Variants in CCPG1 observed in about 807,000 individuals in gnomAD.
The protein encoded by CCPG1 is cell cycle progression protein 1.
A neutral mutation model predicts 81.3 loss-of-function variants in CCPG1; 46 were observed. The observed-to-expected ratio is 0.57, with a 90% CI of 0.45 to 0.72. The LOEUF (loss-of-function observed/expected upper bound fraction) is 0.72. Ranked by LOEUF, CCPG1 falls within the 30% of genes least tolerant of loss-of-function variation. The pLI, the probability that CCPG1 is intolerant of heterozygous loss-of-function variation, is 0.00. For synonymous variants in CCPG1, 330 were observed against 305.2 expected (o/e 1.08, Z -0.85); for missense variants, 902 against 937.6 (o/e 0.96, Z 0.50).
At chr15:55,359,119 A>G (rs2056139608) in intron 8 of CCPG1, 1 of 983,166 alleles carries the variant, frequency 1.0e-6, no homozygotes, top group Non-Finnish European at 1.2e-6. Context: ...ATTATTATAT[A>G]TGAGCTCTTC....
chr15:55,378,959 A>G (rs1441698254), intron 3 of CCPG1, among the ~76,000 whole-genome samples: 4 of 151,850 alleles, frequency 2.6e-5, no homozygotes, highest in African/African-American at 9.7e-5. Flanking sequence ...ACCTTACATT[A>G]CCAAATTACT....
chr15:55,378,016 A>C (rs1465970839), intron 4 of CCPG1, among the ~76,000 whole-genome samples: 2 of 152,230 alleles, frequency 1.3e-5, no homozygotes, highest in Non-Finnish European at 2.9e-5. Flanking sequence ...AAATTTTAAA[A>C]TGAACCACCA....
intron 1 of CCPG1, among the ~76,000 whole-genome samples, chr15:55,406,456 T>G (rs1225007763): frequency 6.9e-6 from 1 of 145,900 alleles, no homozygotes; most frequent in Non-Finnish European, 1.5e-5. Context: ...TTTTGTTTTT[T>G]TTTTTTTGTT....
In CCPG1 at chr15:55,377,149, G is replaced by A. The variant is rs757237717; in HGVS notation, c.254C>T (p.Ala85Val). Reference sequence around the variant, plus strand: ...GTCTTCGGGTATCTTTTGTTCCTCTGCCTGAAGAATCATAATTTTAGAGAT... The same window carrying A: ...GTCTTCGGGTATCTTTTGTTCCTCTACCTGAAGAATCATAATTTTAGAGAT... ...ALEETSSTIEAEEQKIPEDSI... is the reference protein window; with the variant it reads ...ALEETSSTIEVEEQKIPEDSI... The change falls in exon 5 of 9, where the codon GCA becomes GTA. Residue 85 changes from alanine (A) to valine (V), a missense_variant and splice_region_variant. Physicochemically the swap from Ala to Val is moderately conservative, Grantham distance 64. Coordinates refer to ENST00000442196, the MANE Select transcript of CCPG1 (RefSeq NM_001204450.2). 3 of 1,605,416 alleles carry A rather than the reference G, an allele frequency of 1.9e-6. No homozygotes were observed. Among genetic ancestry groups the A allele is most frequent in the Admixed American group, 3.4e-5 (2 of 59,608 alleles).
At chr15:55,380,251 AT>A (rs59284001) in intron 3 of CCPG1, among the ~76,000 whole-genome samples, 28,214 of 149,732 alleles carry the variant, frequency 0.19, 4,740 homozygotes, top group African/African-American at 0.45. Flanking sequence ...TTTGCTTACT[AT>A]TTTTTTTTCC....
At chr15:55,406,536 C>T (rs2057228417) in intron 1 of CCPG1, among the ~76,000 whole-genome samples, 2 of 149,714 alleles carry the variant, frequency 1.3e-5, no homozygotes, top group African/African-American at 4.9e-5. Context: ...TCACTGCAAC[C>T]TCCGCCTCCC....
chr15:55,374,812 G>T (rs2056528529), intron 5 of CCPG1, among the ~76,000 whole-genome samples: 1 of 152,056 alleles, frequency 6.6e-6, no homozygotes, highest in East Asian at 1.9e-4. Context: ...AAGTAGCTGG[G>T]ATTACAGGCA....
chr15:55,376,807 T>C, intron 5 of CCPG1, 142 bp downstream of exon 5: 4 of 634,134 alleles, frequency 6.3e-6, no homozygotes, highest in Non-Finnish European at 1.1e-5. Flanking sequence ...TATTAATAGA[T>C]TTCACACACA....
chr15:55,389,671 T>C (rs1362507914), intron 1 of CCPG1, among the ~76,000 whole-genome samples: 1 of 152,116 alleles, frequency 6.6e-6, no homozygotes, highest in Non-Finnish European at 1.5e-5. Flanking sequence ...ACAGTTATAT[T>C]GTTGGAATGA....
In CCPG1 at chr15:55,355,304, A is replaced by G; in HGVS notation, c.*916T>C. 1 of 1,608,326 alleles carries G rather than the reference A, an allele frequency of 6.2e-7. No homozygotes were observed. Among genetic ancestry groups the G allele is most frequent in the East Asian group, 2.2e-5 (1 of 44,824 alleles). On this transcript the variant is annotated 3_prime_UTR_variant, in exon 9 of 9. Coordinates refer to ENST00000442196, the MANE Select transcript of CCPG1 (RefSeq NM_001204450.2). ...CTTCTAGGAAATAAGCGCTTTCCTA[A>G]TTTCAAGCAATTATAAAAGAACTGC...
rs577502265 is a variant in CCPG1, at chr15:55,369,273, C to T, written c.706+2520G>A. Among the ~76,000 whole-genome samples the T allele has an allele frequency of 1.5e-3, 235 of 152,048 alleles. No homozygotes were observed. In the Middle Eastern group the frequency reaches 0.041, roughly 27 times the overall value. On this transcript the variant is annotated intron_variant, in intron 6 of 8. Coordinates refer to ENST00000442196, the MANE Select transcript of CCPG1 (RefSeq NM_001204450.2). ...ATGTCTTGCCAGGTGCGGTGGCTCA[C>T]GCCTGTAATCCCAGCACTTTGGGAG...
At chr15:55,392,260 G>A (rs1198552795) in intron 1 of CCPG1, among the ~76,000 whole-genome samples, 1 of 143,256 alleles carries the variant, frequency 7.0e-6, no homozygotes, top group Non-Finnish European at 1.5e-5. Context: ...TCACCAGGCT[G>A]GAGTGCAGTG....
chr15:55,356,905 T>C, intron 8 of CCPG1: 1 of 985,732 alleles, frequency 1.0e-6, no homozygotes, highest in Non-Finnish European at 1.2e-6. Context: ...TGTCATCCCC[T>C]GGCCGCCCAG....
chr15:55,362,332 A>G (rs562832923), intron 7 of CCPG1, among the ~76,000 whole-genome samples: 32 of 151,200 alleles, frequency 2.1e-4, no homozygotes, highest in African/African-American at 6.5e-4. Flanking sequence ...AATAAGAAAA[A>G]AAAAAAAGGA....
chr15:55,356,404 G>A lies in CCPG1; in HGVS notation c.2240C>T (p.Pro747Leu), dbSNP rs2056077419. ...TFSPPYGPSR[P>L]DKKQRMVNIE... is the part of the protein sequence containing the mutation. ...ATTTACCATACGTTGCTTTTTATCAGGTCGACTGAAAGCAGTAAACACATT... is the reference window on the plus strand; with the variant it reads ...ATTTACCATACGTTGCTTTTTATCAAGTCGACTGAAAGCAGTAAACACATT... Residue 747 changes from proline to leucine, a missense_variant, in exon 9 of 9, where the codon CCT becomes CTT. This residue lies in a region of CCPG1 where 128 missense variants were observed against 161.2 expected (regional missense o/e 0.79). Coordinates refer to ENST00000442196, the MANE Select transcript of CCPG1 (RefSeq NM_001204450.2). 1 of 1,524,788 alleles carries A rather than the reference G, an allele frequency of 6.6e-7. No homozygotes were observed. Among genetic ancestry groups the A allele is most frequent in the African/African-American group, 1.4e-5 (1 of 72,428 alleles). 94.5% of individuals were successfully genotyped at this position (1,524,788 alleles called of 1,614,324 possible).
Position 55,364,732 on chromosome 15 carries a change from G to T in CCPG1, c.828+456C>A, listed in dbSNP as rs900810729. Reference sequence around the variant, plus strand: ...CTAAAAATACAAAAAAATTTGCCGGGCATAGAGGTGCACACCTGTAATCCC... The same window carrying T: ...CTAAAAATACAAAAAAATTTGCCGGTCATAGAGGTGCACACCTGTAATCCC... On this transcript the variant is annotated intron_variant, in intron 7 of 8. Coordinates refer to ENST00000442196, the MANE Select transcript of CCPG1 (RefSeq NM_001204450.2). 1.5e-4 allele frequency among the ~76,000 whole-genome samples: 23 copies of T among 150,534 alleles called. 1 individual carries two copies. The Admixed American group carries it at 1.5e-3, about 10-fold the overall frequency.
intron 7 of CCPG1, among the ~76,000 whole-genome samples, chr15:55,361,609 G>A (rs775177049): frequency 6.6e-6 from 1 of 151,692 alleles, no homozygotes; most frequent in Non-Finnish European, 1.5e-5. Context: ...GGGAGGATGA[G>A]GCAGGGGAAT....
intron 7 of CCPG1, among the ~76,000 whole-genome samples, chr15:55,362,185 G>T (rs1446663433): frequency 6.6e-6 from 1 of 152,036 alleles, no homozygotes; most frequent in African/African-American, 2.4e-5. Context: ...GGTTCAACAG[G>T]TTCTTAAAGC....
At chr15:55,362,242 A>G (rs1197282234) in intron 7 of CCPG1, among the ~76,000 whole-genome samples, 2 of 152,078 alleles carry the variant, frequency 1.3e-5, no homozygotes. Context: ...CTGCAAAATG[A>G]TACTTAAATT....
Sources: allele counts gnomAD v4.1 joint callset (sites outside exome capture counted in the v4.1 genomes callset), GRCh38; gene constraint gnomAD v4.1.1; regional missense constraint gnomAD v4.1.1; transcripts MANE v1.5; gene names NCBI Gene and HGNC (gene_info 2026-07-23, HGNC 2026-07-21).